GPHN: variants seen among roughly 807,000 people sequenced by gnomAD.
GPHN encodes gephyrin.
GPHN carries 17 observed loss-of-function variants against 95.5 expected under a neutral mutation model. The ratio of observed to expected loss-of-function variants is 0.18; its 90% CI spans 0.12 to 0.27. The LOEUF (loss-of-function observed/expected upper bound fraction) is 0.27, where lower values mean the gene tolerates loss of function less well. Ranked by LOEUF, GPHN falls within the 10% of genes least tolerant of loss-of-function variation. The pLI is 1.00. For synonymous variants in GPHN, 320 were observed against 322.5 expected (o/e 0.99, Z 0.08); for missense variants, 660 against 978.1 (o/e 0.67, Z 4.34).
At chr14:67,347,290 G>T in the GPHN span, 2 of 782,486 alleles carry the variant, frequency 2.6e-6, no homozygotes, top group Non-Finnish European at 4.2e-6. Context: ...TATCAAATAA[G>T]AGGATTTCTA....
chr14:67,543,216 A>G, the GPHN span, among the ~76,000 whole-genome samples: 4 of 152,336 alleles, frequency 2.6e-5, 1 homozygote, highest in South Asian at 2.1e-4. Flanking sequence ...CAAAGTCTCA[A>G]TTAGTAAAGC....
intron 9 of GPHN, among the ~76,000 whole-genome samples, chr14:66,972,676 CTAATAT>C (rs1486116547): frequency 6.6e-6 from 1 of 151,312 alleles, no homozygotes; most frequent in Non-Finnish European, 1.5e-5. Context: ...TTTAATTTAA[CTAATAT>C]TAAATAGTAA....
At chr14:66,837,832 C>A (rs548518326) in intron 4 of GPHN, among the ~76,000 whole-genome samples, 2 of 151,844 alleles carry the variant, frequency 1.3e-5, no homozygotes, top group South Asian at 2.1e-4. Flanking sequence ...AAATATATAT[C>A]CTAATTGTAT....
chr14:67,367,509 G>C, the GPHN span, among the ~76,000 whole-genome samples: 2 of 152,244 alleles, frequency 1.3e-5, no homozygotes, highest in African/African-American at 4.8e-5. Flanking sequence ...GATTACAGGC[G>C]TGAGCCACCA....
At chr14:67,722,808 CAGAG>C in the GPHN span, 1 of 1,043,792 alleles carries the variant, frequency 9.6e-7, no homozygotes, top group African/African-American at 1.6e-5. Context: ...AGGAGGCTGA[CAGAG>C]GAGAAAGTCA....
At chr14:66,792,500 A>C (rs568599821) in intron 3 of GPHN, among the ~76,000 whole-genome samples, 17 of 152,030 alleles carry the variant, frequency 1.1e-4, no homozygotes, top group Admixed American at 1.1e-3. Flanking sequence ...AAAAAAAAAA[A>C]CTGTCAGTCA....
intron 16 of GPHN, among the ~76,000 whole-genome samples, chr14:67,114,567 A>G (rs189460990): frequency 1.4e-4 from 21 of 152,238 alleles, no homozygotes; most frequent in Non-Finnish European, 2.9e-4. Flanking sequence ...GCACATGCCT[A>G]TAGTCCTAGC....
At chr14:67,430,983 G>A in the GPHN span, among the ~76,000 whole-genome samples, 73,793 of 151,964 alleles carry the variant, frequency 0.49, 19,683 homozygotes, top group African/African-American at 0.72. Flanking sequence ...CAACCTGGCA[G>A]GAGAGTCCCT....
At chr14:67,658,029 G>A in the GPHN span, among the ~76,000 whole-genome samples, 43 of 152,146 alleles carry the variant, frequency 2.8e-4, no homozygotes, top group Non-Finnish European at 5.4e-4. Context: ...GATTACAGGC[G>A]TAAGCCACTG....
At chr14:67,562,726 G>T in the GPHN span, 1 of 1,613,568 alleles carries the variant, frequency 6.2e-7, no homozygotes, top group South Asian at 1.1e-5. Flanking sequence ...CTGAGCTGGA[G>T]TCCCGAGCTA....
chr14:66,554,612 C>T (rs1198331329), intron 1 of GPHN, among the ~76,000 whole-genome samples: 3 of 152,154 alleles, frequency 2.0e-5, no homozygotes, highest in Admixed American at 6.5e-5. Context: ...ATGGAGGAAC[C>T]ACCCTCATAA....
the GPHN span, among the ~76,000 whole-genome samples, chr14:67,420,665 T>C: frequency 2.0e-5 from 3 of 152,084 alleles, 1 homozygote; most frequent in South Asian, 4.1e-4. Context: ...AGGAACCTAG[T>C]GTGCAACATT....
the GPHN span, chr14:67,359,733 G>A: frequency 1.1e-5 from 18 of 1,612,946 alleles, no homozygotes; most frequent in Non-Finnish European, 1.4e-5. Flanking sequence ...GTCCCCGGCC[G>A]GGCAACCGAG....
chr14:66,875,835 A>T (rs1482260418), intron 4 of GPHN, among the ~76,000 whole-genome samples: 1 of 152,132 alleles, frequency 6.6e-6, no homozygotes, highest in African/African-American at 2.4e-5. Flanking sequence ...TCAATGTTAG[A>T]CAGATCAACG....
chr14:67,611,800 C>CT, the GPHN span, among the ~76,000 whole-genome samples: 1 of 152,260 alleles, frequency 6.6e-6, no homozygotes, highest in East Asian at 1.9e-4. Flanking sequence ...TTTGGGATGA[C>CT]TTAAGTGCAT....
At chr14:67,144,250 A>ATATATGTATATAT (rs1555502004) in intron 18 of GPHN, among the ~76,000 whole-genome samples, 1 of 57,772 alleles carries the variant, frequency 1.7e-5, no homozygotes, top group Non-Finnish European at 2.9e-5. Context: ...AAAAAAAAAA[A>ATATATGTATATAT]ATATATATAT....
At chr14:67,670,155 C>G in the GPHN span, among the ~76,000 whole-genome samples, 1 of 152,170 alleles carries the variant, frequency 6.6e-6, no homozygotes, top group African/African-American at 2.4e-5. Context: ...AACACAGTCC[C>G]CTGTACCCAG....
chr14:66,537,749 T>G (rs1467799873), intron 1 of GPHN, among the ~76,000 whole-genome samples: 2 of 152,208 alleles, frequency 1.3e-5, no homozygotes, highest in African/African-American at 4.8e-5. Flanking sequence ...TGAGGCAGAT[T>G]TTCTCAGCTT....
At chr14:66,813,152 T>G (rs1026328999) in intron 3 of GPHN, among the ~76,000 whole-genome samples, 68 of 152,352 alleles carry the variant, frequency 4.5e-4, no homozygotes, top group Middle Eastern at 3.4e-3. Flanking sequence ...GTTTAATTTT[T>G]TGTGTATGTT....
Sources: gnomAD v4.1 joint callset for allele counts (sites outside exome capture counted in the v4.1 genomes callset) on GRCh38, gnomAD v4.1.1 for gene constraint, MANE v1.5 for transcripts, NCBI Gene and HGNC (gene_info 2026-07-23, HGNC 2026-07-21) for gene names.